Variants in SLC9A7 observed in about 807,000 individuals in gnomAD.
SLC9A7 encodes solute carrier family 9 member A7.
A neutral mutation model predicts 52.6 loss-of-function variants in SLC9A7; 19 were observed. The observed-to-expected ratio is 0.36, with a 90% CI of 0.25 to 0.53. The LOEUF is 0.53. SLC9A7 is among the 20% of genes least tolerant of loss of function. The probability of loss-of-function intolerance (pLI) is 0.91; values close to 1 mark genes in which losing one functional copy is unlikely to be tolerated. For synonymous variants in SLC9A7, 226 were observed against 252.1 expected, an observed-to-expected ratio of 0.90 and a Z score of 0.98; for missense variants, 455 against 597.9, an observed-to-expected ratio of 0.76 and a Z score of 2.49.
chrX:46,676,580 A>G (rs1292876641), intron 3 of SLC9A7, among the ~76,000 whole-genome samples: 4 of 112,325 alleles, frequency 3.6e-5, no homozygotes, highest in Non-Finnish European at 5.6e-5. Context: ...TTCACAACCC[A>G]TGATTTGGTT....
At chrX:46,722,414 T>C (rs1302334064) in intron 1 of SLC9A7, among the ~76,000 whole-genome samples, 2 of 111,816 alleles carry the variant, frequency 1.8e-5, no homozygotes, top group African/African-American at 6.5e-5. Flanking sequence ...ATTGAGTTAC[T>C]TGCAGAAAAA....
At position 46,653,618 on chromosome X, in the gene SLC9A7, C is replaced by T. The variant is rs1465444079; in HGVS notation, c.1138G>A (p.Gly380Arg). Residue 380 changes from glycine (G) to arginine (R), a missense_variant, in exon 8 of 17, where the codon GGA (glycine) becomes AGA (arginine). Gly to Arg is a moderately radical substitution (Grantham distance 125). Transcript: ENST00000616978. ...WSTFLLAEAC[G>R]FTGVVAVLFC... is the part of the protein sequence containing the mutation. ...AGTAGAAAAAACCTACCTGTAAATC[C>T]GCAGGCTTCTGCCAAGAGAAACGTG... is the stretch of plus-strand genomic sequence containing the variant. The T allele has an allele frequency of 8.3e-6, 10 of 1,204,470 alleles. No individual in the cohort carries two copies. The highest frequency in any genetic ancestry group is 5.3e-5 in the African/African-American group (3 of 56,710).
chrX:46,677,314 T>C (rs1944135849), intron 3 of SLC9A7, among the ~76,000 whole-genome samples: 2 of 112,084 alleles, frequency 1.8e-5, no homozygotes, highest in African/African-American at 6.5e-5. Context: ...TCCTTAGGTG[T>C]AACTGTGACT....
intron 1 of SLC9A7, among the ~76,000 whole-genome samples, chrX:46,690,833 T>C (rs779857358): frequency 3.6e-5 from 4 of 112,097 alleles, no homozygotes; most frequent in Non-Finnish European, 7.5e-5. Context: ...GGGTATCTAA[T>C]TGCTCCAGCA....
chrX:46,668,915 C>T (rs1195229898), intron 5 of SLC9A7, among the ~76,000 whole-genome samples: 2 of 111,455 alleles, frequency 1.8e-5, no homozygotes, highest in Non-Finnish European at 3.8e-5. Context: ...CACCTGTAAT[C>T]CCAGCACTTT....
intron 5 of SLC9A7, among the ~76,000 whole-genome samples, chrX:46,667,541 A>G (rs1943941597): frequency 9.0e-6 from 1 of 111,483 alleles, no homozygotes; most frequent in African/African-American, 3.3e-5. Context: ...ATTACCCTAC[A>G]TTTCAAGTGC....
chrX:46,645,747 A>AAAAG (rs1197477221), intron 11 of SLC9A7, among the ~76,000 whole-genome samples: 1 of 110,433 alleles, frequency 9.1e-6, no homozygotes, highest in Non-Finnish European at 1.9e-5. Context: ...CGTGATTCAG[A>AAAAG]AAACAGGCAG....
intron 1 of SLC9A7, among the ~76,000 whole-genome samples, chrX:46,690,822 C>T (rs941458681): frequency 8.9e-6 from 1 of 111,845 alleles, no homozygotes; most frequent in Non-Finnish European, 1.9e-5. Flanking sequence ...CTTTTGCATA[C>T]GGGTATCTAA....
intron 1 of SLC9A7, among the ~76,000 whole-genome samples, chrX:46,704,280 G>A (rs937009139): frequency 8.9e-6 from 1 of 112,262 alleles, no homozygotes; most frequent in Non-Finnish European, 1.9e-5. Context: ...TGTCTGGAAT[G>A]TGGTCGTCAC....
chrX:46,613,664 C>T (rs1942896948), intron 15 of SLC9A7, among the ~76,000 whole-genome samples: 1 of 111,967 alleles, frequency 8.9e-6, no homozygotes, highest in Non-Finnish European at 1.9e-5. Flanking sequence ...TTAGATCCCC[C>T]TTCTCCCTTT....
chrX:46,604,636 T>C lies in SLC9A7; in HGVS notation c.*2316A>G, dbSNP rs920410575. 7 of 111,444 alleles carry C rather than the reference T, an allele frequency of 6.3e-5. No individual in the cohort carries two copies. The highest frequency in any genetic ancestry group is 2.3e-4 in the African/African-American group (7 of 30,593). The allele number at this position is 111,444 out of a possible 1,213,427, so 9.2% of individuals were successfully genotyped here. ...CTGTAGAGACAGGGTTTTGCCATGT[T>C]GCCCAGTCTGGTCTTGAACTCCTGA... On this transcript the variant is annotated 3_prime_UTR_variant, in exon 17 of 17. Transcript: ENST00000616978.
intron 3 of SLC9A7, among the ~76,000 whole-genome samples, chrX:46,676,244 G>A (rs1371121929): frequency 4.5e-5 from 5 of 111,258 alleles, no homozygotes; most frequent in Non-Finnish European, 9.4e-5. Context: ...TGAGCCTTCC[G>A]TGGGATCTGG....
At chrX:46,725,170 G>C in intron 1 of SLC9A7, 1 of 785,437 alleles carries the variant, frequency 1.3e-6, no homozygotes, top group Non-Finnish European at 2.0e-6. Flanking sequence ...TATGAAGTAG[G>C]GATCTGTGGC....
intron 1 of SLC9A7, among the ~76,000 whole-genome samples, chrX:46,741,094 T>C (rs190313403): frequency 9.7e-4 from 109 of 112,004 alleles, no homozygotes; most frequent in Non-Finnish European, 1.7e-3. Context: ...ATTAAATATA[T>C]GTAAGACCTG....
At chrX:46,740,589 A>T (rs1025725992) in intron 1 of SLC9A7, among the ~76,000 whole-genome samples, 1 of 111,687 alleles carries the variant, frequency 9.0e-6, no homozygotes, top group African/African-American at 3.3e-5. Context: ...TAATATATAC[A>T]TTGTATATGT....
In SLC9A7 at chrX:46,758,912, A is replaced by AGGACGC. The variant is rs1922901514; in HGVS notation, c.117_118insGCGTCC (p.Ala39_Ser40insAlaSer). On this transcript the variant is annotated inframe_insertion, in exon 1 of 17. Transcript: ENST00000616978. ...GCCGCCGCCCCAGAGGAGGAGGCCG[A>AGGACGC]GGCCGCGGCCGCGACTCGCAGCCCC... 1 of 1,159,673 alleles carries AGGACGC rather than the reference A, an allele frequency of 8.6e-7. No homozygotes were observed. Among genetic ancestry groups the AGGACGC allele is most frequent in the Non-Finnish European group, 1.1e-6 (1 of 872,705 alleles).
At chrX:46,633,343 A>AAAAAAAAAAAAC in intron 13 of SLC9A7, among the ~76,000 whole-genome samples, 1 of 66,836 alleles carries the variant, frequency 1.5e-5, no homozygotes, top group Non-Finnish European at 2.6e-5. Flanking sequence ...TGCTAAAAAA[A>AAAAAAAAAAAAC]AAAAAAAAAA....
chrX:46,730,407 C>T (rs1271826648), intron 1 of SLC9A7, among the ~76,000 whole-genome samples: 1 of 107,901 alleles, frequency 9.3e-6, no homozygotes, highest in Non-Finnish European at 1.9e-5. Context: ...GCCTGTAATC[C>T]CAGCACTTTG....
chrX:46,626,326 G>A (rs1602146380), intron 14 of SLC9A7, among the ~76,000 whole-genome samples: 2 of 111,809 alleles, frequency 1.8e-5, no homozygotes, highest in South Asian at 7.4e-4. Flanking sequence ...CCAGGCTACA[G>A]TGCAGTGGTG....
Sources: allele counts gnomAD v4.1 joint callset (sites outside exome capture counted in the v4.1 genomes callset), GRCh38; gene constraint gnomAD v4.1.1; transcripts MANE v1.5; gene names NCBI Gene and HGNC (gene_info 2026-07-23, HGNC 2026-07-21).